MAP3K2: variants seen among roughly 807,000 people sequenced by gnomAD.
MAP3K2 encodes the protein MAP/ERK kinase kinase 2.
In MAP3K2, 24 loss-of-function variants were observed where a neutral mutation model predicts 80.3. The ratio of observed to expected loss-of-function variants is 0.30; its 90% CI spans 0.22 to 0.42. MAP3K2 has a LOEUF of 0.42. Among genes scored for constraint, MAP3K2 ranks in the 10% least tolerant of loss-of-function variants. MAP3K2 has a pLI of 1.00. For synonymous variants in MAP3K2, 244 were observed against 253.7 expected (o/e 0.96, Z 0.36); for missense variants, 608 against 750.1 (o/e 0.81, Z 2.21).
chr2:127,368,398 A>C (rs1339386399), intron 1 of MAP3K2, among the ~76,000 whole-genome samples: 2 of 152,058 alleles, frequency 1.3e-5, no homozygotes, highest in Non-Finnish European at 2.9e-5. Flanking sequence ...TGAGGCGGGC[A>C]GATCACGAGG....
At chr2:127,366,616 C>T (rs1686976359) in intron 1 of MAP3K2, among the ~76,000 whole-genome samples, 1 of 152,042 alleles carries the variant, frequency 6.6e-6, no homozygotes, top group African/African-American at 2.4e-5. Context: ...AAGTGTCTCC[C>T]TGAATTATTT....
upstream of MAP3K2, chr2:127,388,058 GGC>G (rs1335568777): frequency 8.1e-6 from 8 of 983,594 alleles, no homozygotes; most frequent in Non-Finnish European, 9.6e-6. Flanking sequence ...ACCCGCCGCG[GGC>G]GCGCGCCCGG....
intron 2 of MAP3K2, among the ~76,000 whole-genome samples, chr2:127,342,249 A>C (rs1020387135): frequency 1.3e-5 from 2 of 152,170 alleles, no homozygotes; most frequent in African/African-American, 4.8e-5. Flanking sequence ...GCTACTCATG[A>C]CTACAGAAGA....
At chr2:127,312,330 TA>T (rs1685822272) in intron 15 of MAP3K2, among the ~76,000 whole-genome samples, 1 of 152,198 alleles carries the variant, frequency 6.6e-6, no homozygotes, top group Non-Finnish European at 1.5e-5. Context: ...CCTAGCAATA[TA>T]ATCAATTAAT....
At chr2:127,314,912 C>T (rs1265253569) in intron 14 of MAP3K2, 29 bp from the exon 15 acceptor site, 2 of 1,532,538 alleles carry the variant, frequency 1.3e-6, no homozygotes, top group Non-Finnish European at 1.8e-6. Context: ...AAAATAAAAA[C>T]TACTGTATAT....
intron 1 of MAP3K2, among the ~76,000 whole-genome samples, chr2:127,359,717 T>C (rs537542960): frequency 4.6e-5 from 7 of 152,152 alleles, no homozygotes; most frequent in Non-Finnish European, 1.0e-4. Context: ...CTCCTGGTGG[T>C]GTTCCTGAGA....
At chr2:127,352,136 T>C (rs1419001087) in intron 1 of MAP3K2, among the ~76,000 whole-genome samples, 3 of 151,972 alleles carry the variant, frequency 2.0e-5, no homozygotes, top group Admixed American at 2.0e-4. Flanking sequence ...CTTGGCCTCC[T>C]AAAGTGCTGC....
intron 1 of MAP3K2, among the ~76,000 whole-genome samples, chr2:127,365,003 C>T (rs1287877280): frequency 6.6e-6 from 1 of 151,570 alleles, no homozygotes; most frequent in Non-Finnish European, 1.5e-5. Context: ...TGGCACATGC[C>T]TGTAATCCCT....
At chr2:127,358,265 A>G (rs575083964) in intron 1 of MAP3K2, among the ~76,000 whole-genome samples, 2 of 152,352 alleles carry the variant, frequency 1.3e-5, no homozygotes, top group South Asian at 2.1e-4. Flanking sequence ...CAAGATTACA[A>G]AAGACTAGCC....
rs149998449 is a variant in MAP3K2, at chr2:127,364,504, G to A, written c.-65-21310C>T. ...TAAACGATAATGGAAAAGAATTATC[G>A]TCTGTGGACTGTCAGACGATGTGCT... On this transcript the variant is annotated intron_variant, in intron 1 of 16. Transcript: ENST00000682094. The surrounding 1 kb of genome is among the most constrained non-coding windows in gnomAD (Gnocchi z 4.1). 6.2e-3 allele frequency among the ~76,000 whole-genome samples: 941 copies of A among 152,124 alleles called. 9 individuals are homozygous for A. Among genetic ancestry groups the A allele is most frequent in the African/African-American group, 0.021 (884 of 41,474 alleles).
At chr2:127,341,446 G>A (rs1353949791) in intron 2 of MAP3K2, among the ~76,000 whole-genome samples, 1 of 151,174 alleles carries the variant, frequency 6.6e-6, no homozygotes, top group Non-Finnish European at 1.5e-5. Flanking sequence ...TACTTGGCGG[G>A]CTTGAAGAAT....
intron 14 of MAP3K2, among the ~76,000 whole-genome samples, chr2:127,316,456 C>G (rs1421735557): frequency 6.6e-6 from 1 of 152,114 alleles, no homozygotes; most frequent in Non-Finnish European, 1.5e-5. Flanking sequence ...ATCATTAATA[C>G]TAGATGTACT....
At position 127,311,710 on chromosome 2, in the gene MAP3K2, C is replaced by CAAAGATAAGGACTCT. The variant is rs139497907; in HGVS notation, c.1457-2963_1457-2949dup. ...AACAAATGGTTCAGTACATATCTTT[C>CAAAGATAAGGACTCT]AAAGATAAGGACTCTTATCACACCC... On this transcript the variant is annotated intron_variant, in intron 15 of 16. Coordinates refer to ENST00000682094, the MANE Select transcript of MAP3K2 (RefSeq NM_001371910.2). Among the ~76,000 whole-genome samples, 229 of 152,072 alleles carry CAAAGATAAGGACTCT rather than the reference C, an allele frequency of 1.5e-3. 4 individuals are homozygous for CAAAGATAAGGACTCT. The highest frequency in any genetic ancestry group is 5.4e-3 in the African/African-American group (223 of 41,490).
At chr2:127,375,418 AT>A (rs767717946) in intron 1 of MAP3K2, among the ~76,000 whole-genome samples, 83 of 142,030 alleles carry the variant, frequency 5.8e-4, no homozygotes, top group African/African-American at 1.8e-3. Context: ...TTATTTATTT[AT>A]TTTTTTTTTG....
rs952666507 is a variant in MAP3K2, at chr2:127,300,178, A to C, written c.*7401T>G. ...ATGGCTACATCTTGAAAGAAGTTAA[A>C]ACATAAAGACACAGACAGTAGTTCA... On this transcript the variant is annotated 3_prime_UTR_variant, in exon 17 of 17. Transcript: ENST00000682094. 6 of 152,170 alleles carry C rather than the reference A, an allele frequency of 3.9e-5. No homozygotes were observed. The highest frequency in any genetic ancestry group is 8.8e-5 in the Non-Finnish European group (6 of 67,974). The allele number at this position is 152,170 out of a possible 1,614,324, so 9.4% of individuals were successfully genotyped here.
At position 127,299,549 on chromosome 2, in the gene MAP3K2, ACATTTTTC is replaced by A; in HGVS notation, c.*8022_*8029del. ...ACATCTCGAGACAATTTAGTTTCTCACATTTTTCCATAGCTCTGAGAATTCAAAGGCCA... is the reference window on the plus strand; with the variant it reads ...ACATCTCGAGACAATTTAGTTTCTCACATAGCTCTGAGAATTCAAAGGCCA... On this transcript the variant is annotated 3_prime_UTR_variant, in exon 17 of 17. Coordinates refer to ENST00000682094, the MANE Select transcript of MAP3K2 (RefSeq NM_001371910.2). 6.6e-6 allele frequency: 1 copy of A among 152,306 alleles called. No homozygotes were observed. Among genetic ancestry groups the A allele is most frequent in the South Asian group, 2.1e-4 (1 of 4,828 alleles). The allele number at this position is 152,306 out of a possible 1,614,324, so 9.4% of individuals were successfully genotyped here. A position where few individuals can be genotyped will look rare whatever the true frequency, so the allele number is the denominator to read the frequency against.
chr2:127,379,546 T>C (rs1687212526), intron 1 of MAP3K2, among the ~76,000 whole-genome samples: 1 of 152,224 alleles, frequency 6.6e-6, no homozygotes, highest in Non-Finnish European at 1.5e-5. Context: ...ATACACATTA[T>C]AAGCACAGTC....
chr2:127,315,677 G>GT (rs1168055939), intron 14 of MAP3K2, among the ~76,000 whole-genome samples: 2 of 152,198 alleles, frequency 1.3e-5, no homozygotes, highest in East Asian at 3.9e-4. Context: ...GCTCACACCT[G>GT]TAATCCCAGC....
Position 127,314,727 on chromosome 2 carries a change from TA to T in MAP3K2, c.1456+26del, listed in dbSNP as rs892052342. 6 of 1,558,290 alleles carry T rather than the reference TA, an allele frequency of 3.9e-6. No individual in the cohort carries two copies. The African/African-American group carries it at 8.2e-5, about 21-fold the overall frequency. On this transcript the variant is annotated intron_variant, in intron 15 of 16. Transcript: ENST00000682094. The stretch of plus-strand genomic sequence containing the variant: ...TCACATTCACTAAGAACTGTGTACT[TA>T]AAATAGAAAATACCTCATTACTTAC...
Sources: allele counts gnomAD v4.1 joint callset (sites outside exome capture counted in the v4.1 genomes callset), GRCh38; gene constraint gnomAD v4.1.1; non-coding constraint Gnocchi (gnomAD v3.1); transcripts MANE v1.5; gene names NCBI Gene and HGNC (gene_info 2026-07-23, HGNC 2026-07-21).